The following PPP2R3C variants were observed in gnomAD, a reference collection of about 807,000 sequenced individuals.
The protein encoded by PPP2R3C is protein phosphatase 2 regulatory subunit B''gamma.
Under a neutral mutation model 63.7 loss-of-function variants are expected in PPP2R3C, and 47 were observed. That is an observed-to-expected ratio of 0.74 (90% CI 0.58 to 0.94). PPP2R3C has a LOEUF of 0.94. Among genes scored for constraint, PPP2R3C ranks in the 40% least tolerant of loss-of-function variants. The pLI is 0.00. For missense variants in PPP2R3C, 421 were observed against 518.4 expected, an observed-to-expected ratio of 0.81 and a Z score of 1.82; for synonymous variants, 180 against 177.4, an observed-to-expected ratio of 1.01 and a Z score of -0.12.
rs1028400028 is a variant in PPP2R3C at position 35,085,552 on chromosome 14, A to T, written c.*38T>A. 1 of 1,513,256 alleles carries T rather than the reference A, an allele frequency of 6.6e-7. No homozygotes were observed. The highest frequency in any genetic ancestry group is 1.4e-5 in the African/African-American group (1 of 71,286). The allele number at this position is 1,513,256 out of a possible 1,614,324, so 93.7% of individuals were successfully genotyped here. On this transcript the variant is annotated 3_prime_UTR_variant, in exon 13 of 13. Coordinates refer to ENST00000261475, the MANE Select transcript of PPP2R3C (RefSeq NM_017917.4). The stretch of plus-strand genomic sequence containing the variant: ...TTAAAGGCTTTACATGCAGCATTCA[A>T]GTATCTCATAATATAAGACAGTCTA...
At chr14:35,101,411 T>C (rs1304110547) in intron 6 of PPP2R3C, 1 of 152,234 alleles carries the variant, frequency 6.6e-6, no homozygotes, top group Non-Finnish European at 1.5e-5. Context: ...TTTAAGTAGT[T>C]GTACACATCC....
At position 35,110,637 on chromosome 14, in the gene PPP2R3C, T is replaced by C. The variant is rs748877662; in HGVS notation, c.187-8A>G. Reference sequence around the variant, plus strand: ...TTCATCTTCAGCAGGCAGCTGAAAATACAAGGTAAATTTCTACATGTAAAT... The same window carrying C: ...TTCATCTTCAGCAGGCAGCTGAAAACACAAGGTAAATTTCTACATGTAAAT... On this transcript the variant is annotated splice_region_variant and splice_polypyrimidine_tract_variant and intron_variant, in intron 2 of 12. Transcript: ENST00000261475. The C allele has an allele frequency of 1.3e-6, 2 of 1,588,582 alleles. No individual in the cohort carries two copies. Among genetic ancestry groups the C allele is most frequent in the African/African-American group, 1.3e-5 (1 of 74,354 alleles).
chr14:35,113,971 T>C (rs143130900), intron 2 of PPP2R3C, among the ~76,000 whole-genome samples: 271 of 152,270 alleles, frequency 1.8e-3, no homozygotes, highest in African/African-American at 6.3e-3. Flanking sequence ...CAAGAACCTA[T>C]GTTCGATAAC....
chr14:35,107,331 G>C lies in PPP2R3C; in HGVS notation c.546C>G (p.Val182=). 1.2e-6 allele frequency: 2 copies of C among 1,608,964 alleles called. No homozygotes were observed. Among genetic ancestry groups the C allele is most frequent in the East Asian group, 4.5e-5 (2 of 44,838 alleles). ...QTRIGLSLYD[V]AGQGYLRESD... is the part of the protein sequence containing the mutation. ...ATTCCCGAAGGTACCCCTGCCCAGCGACATCATATAAACTGAGTCCTATTC... is the reference window on the plus strand; with the variant it reads ...ATTCCCGAAGGTACCCCTGCCCAGCCACATCATATAAACTGAGTCCTATTC... The change falls in exon 6 of 13, where the codon GTC becomes GTG. Residue 182 remains valine (V), a synonymous_variant. Coordinates refer to ENST00000261475, the MANE Select transcript of PPP2R3C (RefSeq NM_017917.4).
At chr14:35,111,045 G>A (rs1312610954) in intron 2 of PPP2R3C, among the ~76,000 whole-genome samples, 3 of 151,886 alleles carry the variant, frequency 2.0e-5, no homozygotes, top group Non-Finnish European at 2.9e-5. Context: ...GACCATCCTG[G>A]CCAACACTGT....
intron 11 of PPP2R3C, 133 bp downstream of exon 11, chr14:35,090,937 T>C (rs35447952): frequency 0.024 from 17,009 of 718,952 alleles, 284 homozygotes; most frequent in Non-Finnish European, 0.028. Flanking sequence ...GGATGGTCTC[T>C]ATCTCCTGAC....
At chr14:35,116,226 T>C (rs2046705513) in intron 2 of PPP2R3C, among the ~76,000 whole-genome samples, 1 of 151,526 alleles carries the variant, frequency 6.6e-6, no homozygotes, top group Admixed American at 6.6e-5. Flanking sequence ...AAACATAAAA[T>C]TCTGGTCCTA....
At position 35,091,205 on chromosome 14, in the gene PPP2R3C, G is replaced by A. The variant is rs1404387837; in HGVS notation, c.978C>T (p.Asp326=). ...QECLTYDGEM[D]YKTYLDFVLA... ...GGACAAAGTCCAAGTAGGTCTTATA[G>A]TCCTACAGAACAGAAAATAATGTTC... Residue 326 remains aspartate (D), a splice_region_variant and synonymous_variant, in exon 11 of 13, where the codon GAC becomes GAT. Coordinates refer to ENST00000261475, the MANE Select transcript of PPP2R3C (RefSeq NM_017917.4). 1 of 1,604,644 alleles carries A rather than the reference G, an allele frequency of 6.2e-7. No individual in the cohort carries two copies. The highest frequency in any genetic ancestry group is 1.7e-5 in the Admixed American group (1 of 58,544).
chr14:35,089,917 G>A (rs2045742681), intron 11 of PPP2R3C, among the ~76,000 whole-genome samples: 1 of 151,902 alleles, frequency 6.6e-6, no homozygotes, highest in Non-Finnish European at 1.5e-5. Flanking sequence ...CGCCCACCCT[G>A]GCCTCCCAAA....
At chr14:35,107,169 C>T (rs960389078) in intron 6 of PPP2R3C, 135 bp downstream of exon 6, 1 of 560,358 alleles carries the variant, frequency 1.8e-6, no homozygotes, top group Non-Finnish European at 3.0e-6. Flanking sequence ...TAAATATGTA[C>T]ACACAAACAC....
intron 12 of PPP2R3C, chr14:35,087,065 A>C (rs747227853): frequency 2.0e-5 from 3 of 152,160 alleles, no homozygotes; most frequent in African/African-American, 7.2e-5. Context: ...TGTTGATGTC[A>C]ACATTTTGTT....
At chr14:35,120,121 G>C (rs571596117) in intron 1 of PPP2R3C, among the ~76,000 whole-genome samples, 1 of 151,850 alleles carries the variant, frequency 6.6e-6, no homozygotes, top group Non-Finnish European at 1.5e-5. Flanking sequence ...TTACAGGCTT[G>C]AGCCACCGCG....
At chr14:35,098,754 G>A (rs1384118330) in intron 7 of PPP2R3C, 1 of 153,218 alleles carries the variant, frequency 6.5e-6, no homozygotes, top group Non-Finnish European at 1.4e-5. Context: ...GGGCAGGTTT[G>A]AACAGTTAAT....
At chr14:35,095,959 C>G (rs1031425274) in intron 9 of PPP2R3C, among the ~76,000 whole-genome samples, 1 of 151,312 alleles carries the variant, frequency 6.6e-6, no homozygotes, top group Non-Finnish European at 1.5e-5. Flanking sequence ...ATCAACAAAG[C>G]ATGACAATAG....
intron 4 of PPP2R3C, among the ~76,000 whole-genome samples, chr14:35,109,415 AAATTT>A (rs2046473326): frequency 6.6e-6 from 1 of 152,280 alleles, no homozygotes; most frequent in Admixed American, 6.5e-5. Context: ...TAATTTTATT[AAATTT>A]AATTAGTAAC....
At chr14:35,100,151 GAGAATAAAT>G (rs1198240072) in intron 6 of PPP2R3C, 1 of 151,946 alleles carries the variant, frequency 6.6e-6, no homozygotes, top group Non-Finnish European at 1.5e-5. Flanking sequence ...TCCACTCTTT[GAGAATAAAT>G]AGCTATATAT....
At chr14:35,118,653 C>CTT (rs150866333) in intron 1 of PPP2R3C, among the ~76,000 whole-genome samples, 15,350 of 125,720 alleles carry the variant, frequency 0.12, 1,240 homozygotes, top group African/African-American at 0.2. Flanking sequence ...AGGTACCTTC[C>CTT]TTTTTTTTTT....
chr14:35,120,296 T>G (rs528605571), intron 1 of PPP2R3C, among the ~76,000 whole-genome samples: 10 of 151,726 alleles, frequency 6.6e-5, no homozygotes, highest in Middle Eastern at 6.8e-3. Context: ...CAGGCCGGAG[T>G]GCAGTGGCAC....
At chr14:35,091,448 A>C (rs1432160377) in intron 10 of PPP2R3C, among the ~76,000 whole-genome samples, 1 of 151,060 alleles carries the variant, frequency 6.6e-6, no homozygotes, top group Non-Finnish European at 1.5e-5. Flanking sequence ...GCTCACCACA[A>C]CCTCCACCTC....
Sources: gnomAD v4.1 joint callset for allele counts (sites outside exome capture counted in the v4.1 genomes callset) on GRCh38, gnomAD v4.1.1 for gene constraint, MANE v1.5 for transcripts, NCBI Gene and HGNC (gene_info 2026-07-23, HGNC 2026-07-21) for gene names.